CDK14: variants seen among roughly 807,000 people sequenced by gnomAD.
CDK14 encodes the protein cyclin-dependent kinase 14.
In CDK14, 34 loss-of-function variants were observed where a neutral mutation model predicts 60.7. The ratio of observed to expected loss-of-function variants is 0.56; its 90% CI spans 0.43 to 0.75. The LOEUF is 0.75. Ranked by LOEUF, CDK14 falls within the 30% of genes least tolerant of loss-of-function variation. The probability of loss-of-function intolerance (pLI) is 0.00; values close to 1 mark genes in which losing one functional copy is unlikely to be tolerated. For missense variants in CDK14, 482 were observed against 564.1 expected (o/e 0.85, Z 1.47); for synonymous variants, 197 against 203.7 (o/e 0.97, Z 0.28).
chr7:90,735,405 G>T (rs1456757123), intron 3 of CDK14, among the ~76,000 whole-genome samples: 1 of 152,168 alleles, frequency 6.6e-6, no homozygotes, highest in Non-Finnish European at 1.5e-5. Flanking sequence ...CTGAAGCTGC[G>T]CCCACAGCCG....
chr7:91,129,306 C>T (rs1241488399), intron 14 of CDK14, among the ~76,000 whole-genome samples: 1 of 152,186 alleles, frequency 6.6e-6, no homozygotes, highest in African/African-American at 2.4e-5. Flanking sequence ...TTCCTGGGCA[C>T]TGTGTCTTCA....
chr7:91,027,769 CCCCT>C (rs1796617770), intron 10 of CDK14, among the ~76,000 whole-genome samples: 1 of 1,616 alleles, frequency 6.2e-4, no homozygotes. Context: ...CCTCTCCTCT[CCCCT>C]CCCCTCCCCT....
intron 2 of CDK14, among the ~76,000 whole-genome samples, chr7:90,686,140 A>C (rs1441492019): frequency 6.6e-6 from 1 of 152,150 alleles, no homozygotes; most frequent in East Asian, 1.9e-4. Flanking sequence ...TGATCTTTTA[A>C]AGAGATTAAT....
intron 10 of CDK14, among the ~76,000 whole-genome samples, chr7:91,013,749 G>T (rs1796229271): frequency 6.9e-6 from 1 of 145,150 alleles, no homozygotes; most frequent in South Asian, 2.3e-4. Context: ...GAGAATCATA[G>T]TGTCTCACAA....
At chr7:90,689,396 G>A (rs1293257055) in intron 2 of CDK14, among the ~76,000 whole-genome samples, 1 of 152,146 alleles carries the variant, frequency 6.6e-6, no homozygotes, top group East Asian at 1.9e-4. Context: ...GGGCTATTCA[G>A]GGAGGTTGGG....
intron 3 of CDK14, among the ~76,000 whole-genome samples, chr7:90,736,843 A>G (rs911498475): frequency 6.6e-6 from 1 of 152,150 alleles, no homozygotes; most frequent in Admixed American, 6.5e-5. Flanking sequence ...CTTCACATAC[A>G]GGCCATTATA....
intron 6 of CDK14, among the ~76,000 whole-genome samples, chr7:90,883,142 A>C (rs191292493): frequency 1.7e-4 from 26 of 152,232 alleles, no homozygotes; most frequent in Admixed American, 1.5e-3. Context: ...ACTCCAAAAA[A>C]TAAATGAATC....
intron 5 of CDK14, among the ~76,000 whole-genome samples, chr7:90,804,643 T>C (rs1454559810): frequency 6.6e-6 from 1 of 152,140 alleles, no homozygotes; most frequent in Non-Finnish European, 1.5e-5. Flanking sequence ...AAGTGTTAAA[T>C]CATGATTAAA....
At chr7:91,081,700 G>A (rs1023627408) in intron 12 of CDK14, among the ~76,000 whole-genome samples, 3 of 152,090 alleles carry the variant, frequency 2.0e-5, no homozygotes, top group African/African-American at 7.2e-5. Flanking sequence ...TCTGCCCTAA[G>A]TAACACCTAG....
intron 3 of CDK14, among the ~76,000 whole-genome samples, 159 bp downstream of exon 3, chr7:90,726,971 A>G (rs950892721): frequency 3.9e-5 from 6 of 152,130 alleles, no homozygotes; most frequent in African/African-American, 9.7e-5. Flanking sequence ...AGCAAACTAT[A>G]TATGGACTCC....
In CDK14 at chr7:90,598,369, C is replaced by G. The variant is rs76595404; in HGVS notation, c.91+1651C>G. 5.7e-3 allele frequency among the ~76,000 whole-genome samples: 875 copies of G among 152,312 alleles called. 6 individuals carry two copies. Among genetic ancestry groups the G allele is most frequent in the African/African-American group, 0.019 (783 of 41,566 alleles). On this transcript the variant is annotated intron_variant, in intron 1 of 14. Transcript: ENST00000380050. ...ATAGTTAATTGGATTTTCTAGCTTA[C>G]TGAGATTTAGTGATGTGAAACTCCT...
At chr7:90,745,361 A>G (rs527393210) in intron 3 of CDK14, among the ~76,000 whole-genome samples, 49 of 152,206 alleles carry the variant, frequency 3.2e-4, no homozygotes, top group South Asian at 8.3e-4. Context: ...TTTAATTTTG[A>G]AAATATTGCT....
chr7:91,012,222 G>T (rs1230787822), intron 10 of CDK14, among the ~76,000 whole-genome samples: 1 of 152,102 alleles, frequency 6.6e-6, no homozygotes, highest in Non-Finnish European at 1.5e-5. Context: ...TGTAAACAAT[G>T]CCTGTGAATT....
chr7:91,011,186 C>G (rs372991648), intron 10 of CDK14, among the ~76,000 whole-genome samples: 1 of 151,884 alleles, frequency 6.6e-6, no homozygotes, highest in South Asian at 2.1e-4. Context: ...ACAACAACAA[C>G]AAAAAGCTGC....
chr7:90,795,477 ATTATAT>A (rs1207434666), intron 5 of CDK14, among the ~76,000 whole-genome samples: 1 of 150,338 alleles, frequency 6.7e-6, no homozygotes, highest in Non-Finnish European at 1.5e-5. Flanking sequence ...TATATTTGAA[ATTATAT>A]TTATATATAA....
intron 4 of CDK14, among the ~76,000 whole-genome samples, chr7:90,763,459 CG>C (rs1804409039): frequency 6.6e-6 from 1 of 152,046 alleles, no homozygotes; most frequent in African/African-American, 2.4e-5. Flanking sequence ...ATTTGGGGGC[CG>C]TGTTTTAAAA....
At chr7:90,908,952 A>G (rs1792803121) in intron 7 of CDK14, among the ~76,000 whole-genome samples, 1 of 152,120 alleles carries the variant, frequency 6.6e-6, no homozygotes, top group Admixed American at 6.6e-5. Context: ...CTCTCTTTTT[A>G]GTTATACTAG....
intron 2 of CDK14, among the ~76,000 whole-genome samples, chr7:90,655,655 A>C (rs1013547614): frequency 1.3e-5 from 2 of 152,206 alleles, no homozygotes; most frequent in Non-Finnish European, 2.9e-5. Context: ...TTTTATTTCA[A>C]ATTGAGGACC....
intron 5 of CDK14, among the ~76,000 whole-genome samples, chr7:90,799,387 A>G (rs971513951): frequency 8.5e-5 from 13 of 152,240 alleles, no homozygotes; most frequent in African/African-American, 2.9e-4. Flanking sequence ...AGCATGTGGT[A>G]GAGCTAAAAG....
Sources: allele counts gnomAD v4.1 joint callset (sites outside exome capture counted in the v4.1 genomes callset), GRCh38; gene constraint gnomAD v4.1.1; transcripts MANE v1.5; gene names NCBI Gene and HGNC (gene_info 2026-07-23, HGNC 2026-07-21).